The following MYO9A variants were observed in gnomAD, a reference collection of about 807,000 sequenced individuals.
The protein encoded by MYO9A is unconventional myosin-IXa.
MYO9A carries 103 observed loss-of-function variants against 293.3 expected under a neutral mutation model. The ratio of observed to expected loss-of-function variants is 0.35; its 90% CI spans 0.30 to 0.41. The LOEUF (loss-of-function observed/expected upper bound fraction) is 0.41. MYO9A is among the 10% of genes least tolerant of loss of function. The pLI, the probability that MYO9A is intolerant of heterozygous loss-of-function variation, is 1.00. For missense variants in MYO9A, 2,685 were observed against 3,033.0 expected, an observed-to-expected ratio of 0.89 and a Z score of 2.69; for synonymous variants, 1,001 against 1,035.7, an observed-to-expected ratio of 0.97 and a Z score of 0.64.
At chr15:71,949,413 G>GT (rs1019394438) in intron 15 of MYO9A, among the ~76,000 whole-genome samples, 11 of 148,124 alleles carry the variant, frequency 7.4e-5, no homozygotes, top group African/African-American at 2.5e-4. Context: ...TATGCTGGGT[G>GT]TTTTTTTGTT....
intron 39 of MYO9A, among the ~76,000 whole-genome samples, chr15:71,840,074 C>T (rs1173656116): frequency 6.6e-6 from 1 of 152,316 alleles, no homozygotes; most frequent in East Asian, 1.9e-4. Flanking sequence ...AAAAATTAAT[C>T]TGATTGATAA....
At chr15:71,995,353 G>C (rs955445673) in intron 9 of MYO9A, among the ~76,000 whole-genome samples, 1 of 151,958 alleles carries the variant, frequency 6.6e-6, no homozygotes, top group African/African-American at 2.4e-5. Flanking sequence ...AGTTGTCTTC[G>C]GCTTGTCACC....
chr15:71,978,306 A>C lies in MYO9A; in HGVS notation c.1723-14T>G. The C allele has an allele frequency of 1.3e-6, 2 of 1,588,824 alleles. No individual in the cohort carries two copies. Among genetic ancestry groups the C allele is most frequent in the Non-Finnish European group, 1.7e-6 (2 of 1,168,490 alleles). On this transcript the variant is annotated splice_polypyrimidine_tract_variant and intron_variant, in intron 11 of 41. Coordinates refer to ENST00000356056, the MANE Select transcript of MYO9A (RefSeq NM_006901.4). The stretch of plus-strand genomic sequence containing the variant: ...TCTATATTCCTCCTAGAAAAACCAA[A>C]AAATAAAATAACAATTTATTCATCT...
intron 40 of MYO9A, among the ~76,000 whole-genome samples, chr15:71,828,375 T>C (rs1028655294): frequency 6.6e-6 from 1 of 152,164 alleles, no homozygotes; most frequent in Non-Finnish European, 1.5e-5. Flanking sequence ...ATCAGGAAAG[T>C]ACCTTTCTCT....
In MYO9A at chr15:71,827,062, C is replaced by T; in HGVS notation, c.7184-19G>A. ...CTTCTTTCTAATGCAAAAAAGAGAC[C>T]AAAGATGTAAATGACAGTGCCCTCT... On this transcript the variant is annotated intron_variant, in intron 41 of 41. Transcript: ENST00000356056. 1 of 1,517,650 alleles carries T rather than the reference C, an allele frequency of 6.6e-7. No individual in the cohort carries two copies. The highest frequency in any genetic ancestry group is 2.2e-5 in the Admixed American group (1 of 45,982). The allele number at this position is 1,517,650 out of a possible 1,614,324, so 94.0% of individuals were successfully genotyped here.
At chr15:72,033,074 C>T (rs2077928251) in intron 2 of MYO9A, among the ~76,000 whole-genome samples, 1 of 152,022 alleles carries the variant, frequency 6.6e-6, no homozygotes, top group Non-Finnish European at 1.5e-5. Flanking sequence ...TGGTCTGGAA[C>T]CCCTGAGCTC....
chr15:72,077,748 A>AT (rs1555420692), intron 1 of MYO9A, among the ~76,000 whole-genome samples: 17 of 32,810 alleles, frequency 5.2e-4, no homozygotes, highest in East Asian at 2.5e-3. Context: ...AAAAAAAAAA[A>AT]AAAAATATAT....
chr15:71,890,242 C>T (rs1218527972), intron 26 of MYO9A: 1 of 151,906 alleles, frequency 6.6e-6, no homozygotes, highest in Non-Finnish European at 1.5e-5. Context: ...CAGAGAATAG[C>T]AGAAATAGGA....
intron 6 of MYO9A, among the ~76,000 whole-genome samples, chr15:72,013,018 G>T (rs548398297): frequency 5.9e-4 from 90 of 152,090 alleles, no homozygotes; most frequent in Non-Finnish European, 1.1e-3. Context: ...AACTGTAGAA[G>T]AAAAACTAAG....
intron 1 of MYO9A, among the ~76,000 whole-genome samples, chr15:72,107,521 C>T (rs2080614195): frequency 6.6e-6 from 1 of 152,134 alleles, no homozygotes; most frequent in African/African-American, 2.4e-5. Context: ...TGCACTCCAG[C>T]CTGGGCGACA....
intron 1 of MYO9A, among the ~76,000 whole-genome samples, chr15:72,099,422 C>CAAAAAAAAAAA (rs57019438): frequency 1.1e-5 from 1 of 90,180 alleles, no homozygotes; most frequent in East Asian, 4.3e-4. Context: ...GACCCTGCCC[C>CAAAAAAAAAAA]AAAAAAAAAA....
rs2078386778 is a variant in MYO9A, at chr15:72,046,439, G to C, written c.125C>G (p.Ala42Gly). 1.9e-6 allele frequency: 3 copies of C among 1,614,200 alleles called. No homozygotes were observed. The highest frequency in any genetic ancestry group is 1.7e-6 in the Non-Finnish European group (2 of 1,180,044). Residue 42 changes from alanine (A) to glycine (G), a missense_variant, in exon 2 of 42, where the codon GCT becomes GGT. By Grantham distance (60) the Ala-to-Gly change is moderately conservative. Coordinates refer to ENST00000356056, the MANE Select transcript of MYO9A (RefSeq NM_006901.4). ...TATAAGAGACTCAATCACCTCAGCA[G>C]CTGTGGAGTTTTTTCTGGCAGGAAT... ...CPIPARKNST[A>G]AEVIESLINK...
At chr15:72,006,216 G>C (rs2077012264) in intron 8 of MYO9A, among the ~76,000 whole-genome samples, 1 of 152,006 alleles carries the variant, frequency 6.6e-6, no homozygotes, top group Admixed American at 6.6e-5. Context: ...TGGGACTACA[G>C]GTACACGTCA....
chr15:71,943,125 T>C (rs2058821207), intron 15 of MYO9A, among the ~76,000 whole-genome samples: 1 of 152,056 alleles, frequency 6.6e-6, no homozygotes, highest in Non-Finnish European at 1.5e-5. Context: ...TTTTAAATAA[T>C]ACTTGTTTCT....
chr15:71,947,834 G>A (rs1180292409), intron 15 of MYO9A, among the ~76,000 whole-genome samples: 1 of 152,098 alleles, frequency 6.6e-6, no homozygotes, highest in Non-Finnish European at 1.5e-5. Context: ...CAAAAGAATG[G>A]GTTCAAATTA....
At chr15:72,012,491 T>G (rs2077202680) in intron 6 of MYO9A, among the ~76,000 whole-genome samples, 1 of 151,874 alleles carries the variant, frequency 6.6e-6, no homozygotes, top group Admixed American at 6.6e-5. Flanking sequence ...AGAGACGGGG[T>G]TTTACCACAT....
rs754836593 is a variant in MYO9A, at chr15:71,904,908, T to C, written c.2766+18A>G. ...AAGTAAGCTGAGATATGTGCTCTCA[T>C]TTATAGGACATTTTTACCTTTTCAG... On this transcript the variant is annotated intron_variant, in intron 20 of 41. Coordinates refer to ENST00000356056, the MANE Select transcript of MYO9A (RefSeq NM_006901.4). 8.9e-6 allele frequency: 14 copies of C among 1,580,584 alleles called. No homozygotes were observed. The highest frequency in any genetic ancestry group is 1.2e-5 in the Non-Finnish European group (14 of 1,155,004).
At chr15:71,904,825 T>C (rs925761406) in intron 20 of MYO9A, 101 bp downstream of exon 20, 44 of 692,120 alleles carry the variant, frequency 6.4e-5, no homozygotes, top group South Asian at 1.2e-4. Flanking sequence ...CTTATAAATA[T>C]TATAGTTAGT....
intron 1 of MYO9A, among the ~76,000 whole-genome samples, chr15:72,066,314 C>G (rs891033037): frequency 6.6e-6 from 1 of 151,940 alleles, no homozygotes. Flanking sequence ...TGGTGAAACC[C>G]GCCTCTACTA....
Sources: allele counts gnomAD v4.1 joint callset (sites outside exome capture counted in the v4.1 genomes callset), GRCh38; gene constraint gnomAD v4.1.1; transcripts MANE v1.5; gene names NCBI Gene and HGNC (gene_info 2026-07-23, HGNC 2026-07-21).